Variants in LRRN1 observed in about 807,000 individuals in gnomAD.
The protein encoded by LRRN1 is leucine-rich repeat neuronal protein 1.
LRRN1 carries 14 observed loss-of-function variants against 45.8 expected under a neutral mutation model. That is an observed-to-expected ratio of 0.31 (90% confidence interval 0.20 to 0.48). LRRN1 has a LOEUF of 0.48. LRRN1 is among the 20% of genes least tolerant of loss of function. The probability of loss-of-function intolerance (pLI) is 0.99; values close to 1 mark genes in which losing one functional copy is unlikely to be tolerated. For synonymous variants in LRRN1, 359 were observed against 330.1 expected, an observed-to-expected ratio of 1.09 and a Z score of -0.95; for missense variants, 789 against 874.2, an observed-to-expected ratio of 0.90 and a Z score of 1.23.
Position 3,847,383 on chromosome 3 carries a change from CTT to C in LRRN1, c.*604_*605del, listed in dbSNP as rs34173470. 9,352 of 153,040 alleles carry C rather than the reference CTT, an allele frequency of 0.061. 326 individuals carry two copies. The highest frequency in any genetic ancestry group is 0.12 in the African/African-American group (4,898 of 39,932). The allele number at this position is 153,040 out of a possible 1,614,324, so 9.5% of individuals were successfully genotyped here. On this transcript the variant is annotated 3_prime_UTR_variant, in exon 2 of 2. Coordinates refer to ENST00000319331, the MANE Select transcript of LRRN1 (RefSeq NM_020873.7). ...AAACAATGAATTTTCTTTTTCTTTC[CTT>C]TTTTTTTTTTTTGTTGTAATAGTTA...
chr3:3,828,601 A>G (rs1328090151), intron 1 of LRRN1, among the ~76,000 whole-genome samples: 3 of 152,176 alleles, frequency 2.0e-5, no homozygotes. Context: ...TCCTGAGATC[A>G]TACATTACCT....
chr3:3,840,775 T>C (rs1182105200), intron 1 of LRRN1, among the ~76,000 whole-genome samples: 2 of 152,184 alleles, frequency 1.3e-5, no homozygotes, highest in African/African-American at 4.8e-5. Flanking sequence ...GGTTGGTTAG[T>C]TGCTTGAAAA....
At chr3:3,811,728 C>G (rs139698174) in intron 1 of LRRN1, among the ~76,000 whole-genome samples, 101 of 152,164 alleles carry the variant, frequency 6.6e-4, no homozygotes, top group Non-Finnish European at 1.2e-3. Context: ...AAATGCATGT[C>G]GAATATCAAG....
chr3:3,801,254 T>G (rs974458307), intron 1 of LRRN1: 1 of 152,248 alleles, frequency 6.6e-6, no homozygotes, highest in Admixed American at 6.5e-5. Flanking sequence ...GCCGTAAGTA[T>G]TTTCATTCCC....
In LRRN1 at chr3:3,827,026, A is replaced by T. The variant is rs139066300; in HGVS notation, c.-278-17338A>T. On this transcript the variant is annotated intron_variant, in intron 1 of 1. Transcript: ENST00000319331. ...GATCTATGCCTTACTTTCATCTTCA[A>T]CACCCATGAAAAAGACTCAGATTCA... 2.0e-5 allele frequency among the ~76,000 whole-genome samples: 3 copies of T among 152,136 alleles called. No homozygotes were observed. The East Asian group carries it at 5.8e-4, about 29-fold the overall frequency.
chr3:3,811,128 C>G (rs1232846203), intron 1 of LRRN1, among the ~76,000 whole-genome samples: 1 of 152,064 alleles, frequency 6.6e-6, no homozygotes, highest in Non-Finnish European at 1.5e-5. Flanking sequence ...GGAACACATA[C>G]CAACTCTGGG....
At chr3:3,843,626 G>C (rs1419023305) in intron 1 of LRRN1, among the ~76,000 whole-genome samples, 1 of 151,914 alleles carries the variant, frequency 6.6e-6, no homozygotes, top group East Asian at 1.9e-4. Context: ...GTCCCTGCAG[G>C]TTGTCCTATT....
In LRRN1 at chr3:3,846,541, G is replaced by A. The variant is rs753106998; in HGVS notation, c.1900G>A (p.Ala634Thr). The change falls in exon 2 of 2, where the codon GCA (alanine) becomes ACA (threonine). Residue 634 changes from alanine to threonine, a missense_variant. By Grantham distance (58) the Ala-to-Thr change is moderately conservative. Transcript: ENST00000319331. This position sits in a 1 kb window ranked among gnomAD's most constrained non-coding sequence, Gnocchi z 5.7. ...TCAAGAAACCAGTACAGCCCTTGCT[G>A]CAGTAATGGGGTCTATGTTTGCCGT... ...SDQETSTALA[A>T]VMGSMFAVIS... 6.2e-7 allele frequency: 1 copy of A among 1,614,156 alleles called. No homozygotes were observed. The highest frequency in any genetic ancestry group is 8.5e-7 in the Non-Finnish European group (1 of 1,180,024).
chr3:3,802,362 C>T (rs1335577131), intron 1 of LRRN1, among the ~76,000 whole-genome samples: 1 of 152,152 alleles, frequency 6.6e-6, no homozygotes, highest in Non-Finnish European at 1.5e-5. Flanking sequence ...TTGTCAACCT[C>T]AAACACTGTT....
chr3:3,841,514 GTTTTC>G (rs1398026419), intron 1 of LRRN1, among the ~76,000 whole-genome samples: 5 of 151,210 alleles, frequency 3.3e-5, no homozygotes, highest in Non-Finnish European at 5.9e-5. Context: ...TCTGTGGTAT[GTTTTC>G]TTTTCTTTTG....
At chr3:3,840,752 T>C (rs551618510) in intron 1 of LRRN1, among the ~76,000 whole-genome samples, 2 of 152,186 alleles carry the variant, frequency 1.3e-5, no homozygotes, top group Non-Finnish European at 2.9e-5. Flanking sequence ...ATTCTGAGTT[T>C]CCATGGTTGA....
At position 3,849,398 on chromosome 3, in the gene LRRN1, A is replaced by AT. The variant is rs1559319776; in HGVS notation, c.*2610dup. ...TTTCCCTGTCTGTGCTAATGAGCTG[A>AT]TTTTCAGCTGATAGAAAACAAAATG... On this transcript the variant is annotated 3_prime_UTR_variant, in exon 2 of 2. Transcript: ENST00000319331. 6.6e-6 allele frequency among the ~76,000 whole-genome samples: 1 copy of AT among 152,170 alleles called. No homozygotes were observed. The highest frequency in any genetic ancestry group is 2.4e-5 in the African/African-American group (1 of 41,440).
intron 1 of LRRN1, among the ~76,000 whole-genome samples, chr3:3,806,697 G>A (rs532440784): frequency 6.6e-6 from 1 of 152,314 alleles, no homozygotes; most frequent in East Asian, 1.9e-4. Context: ...ATATTTTAGA[G>A]CTTTAAACTT....
At chr3:3,840,482 A>G (rs1380976112) in intron 1 of LRRN1, among the ~76,000 whole-genome samples, 4 of 152,232 alleles carry the variant, frequency 2.6e-5, no homozygotes, top group Non-Finnish European at 4.4e-5. Flanking sequence ...GTAAACATCT[A>G]AAATGGCTTA....
chr3:3,848,645 A>C lies in LRRN1; in HGVS notation c.*1853A>C, dbSNP rs556516100. Among the ~76,000 whole-genome samples, 5 of 152,334 alleles carry C rather than the reference A, an allele frequency of 3.3e-5. No individual in the cohort carries two copies. Among genetic ancestry groups the C allele is most frequent in the African/African-American group, 1.2e-4 (5 of 41,566 alleles). On this transcript the variant is annotated 3_prime_UTR_variant, in exon 2 of 2. Transcript: ENST00000319331. ...CAGATCTTGAAACAAATGAGCTGCA[A>C]CAGAAAAATAAGTACCTGAGCTCGA...
chr3:3,845,145 T>C lies in LRRN1; in HGVS notation c.504T>C (p.Asn168=). Residue 168 remains asparagine, a synonymous_variant, in exon 2 of 2, where the codon AAT becomes AAC. Coordinates refer to ENST00000319331, the MANE Select transcript of LRRN1 (RefSeq NM_020873.7). This position sits in a 1 kb window ranked among gnomAD's most constrained non-coding sequence, Gnocchi z 6.5. ...ISAHAFAGLK[N]LLRLHLNSNK... is the part of the protein sequence containing the mutation. ...CTCATGCTTTTGCAGGCTTAAAAAA[T>C]CTATTAAGGCTCCACCTGAACTCCA... is the stretch of plus-strand genomic sequence containing the variant. 6.2e-7 allele frequency: 1 copy of C among 1,614,132 alleles called. No homozygotes were observed. Among genetic ancestry groups the C allele is most frequent in the South Asian group, 1.1e-5 (1 of 91,072 alleles).
chr3:3,827,779 C>T (rs149097617), intron 1 of LRRN1, among the ~76,000 whole-genome samples: 416 of 152,266 alleles, frequency 2.7e-3, no homozygotes, highest in Admixed American at 6.0e-3. Context: ...TGTGATTATA[C>T]TATCTATGAG....
Position 3,846,040 on chromosome 3 carries a change from A to G in LRRN1, c.1399A>G (p.Ile467Val), listed in dbSNP as rs756313693. Residue 467 changes from isoleucine to valine, a missense_variant, in exon 2 of 2, where the codon ATA becomes GTA. Ile to Val is a conservative substitution (Grantham distance 29, BLOSUM62 3). Coordinates refer to ENST00000319331, the MANE Select transcript of LRRN1 (RefSeq NM_020873.7). The surrounding 1 kb of genome is among the most constrained non-coding windows in gnomAD (Gnocchi z 5.7). Reference protein sequence around the residue: ...IYWVTPIGNKITVETLSDKYK... With the variant: ...IYWVTPIGNKVTVETLSDKYK... ...CTGGGTCACTCCCATTGGAAATAAG[A>G]TAACTGTGGAAACCCTTTCAGATAA... 6 of 1,614,020 alleles carry G rather than the reference A, an allele frequency of 3.7e-6. No homozygotes were observed. The Admixed American group carries it at 5.0e-5, about 13-fold the overall frequency.
chr3:3,845,195 G>C lies in LRRN1; in HGVS notation c.554G>C (p.Arg185Pro). Reference protein sequence around the residue: ...NSNKLKVIDSRWFDSTPNLEI... With the variant: ...NSNKLKVIDSPWFDSTPNLEI... ...AACAAATTGAAAGTTATTGATAGTC[G>C]CTGGTTTGATTCTACACCCAACCTG... is the stretch of plus-strand genomic sequence containing the variant. Residue 185 changes from arginine (R) to proline (P), a missense_variant, in exon 2 of 2, where the codon CGC becomes CCC. Coordinates refer to ENST00000319331, the MANE Select transcript of LRRN1 (RefSeq NM_020873.7). The surrounding 1 kb of genome is among the most constrained non-coding windows in gnomAD (Gnocchi z 6.5). 2.5e-6 allele frequency: 4 copies of C among 1,614,082 alleles called. No individual in the cohort carries two copies. The highest frequency in any genetic ancestry group is 3.4e-6 in the Non-Finnish European group (4 of 1,180,026).
Sources: gnomAD v4.1 joint callset for allele counts (sites outside exome capture counted in the v4.1 genomes callset) on GRCh38, gnomAD v4.1.1 for gene constraint, Gnocchi (gnomAD v3.1) non-coding constraint, MANE v1.5 for transcripts, NCBI Gene and HGNC (gene_info 2026-07-23, HGNC 2026-07-21) for gene names.